SPAG1: variants seen among roughly 807,000 people sequenced by gnomAD.
SPAG1 encodes sperm associated antigen 1, also known as sperm-associated antigen 1.
In SPAG1, 69 loss-of-function variants were observed where a neutral mutation model predicts 100.5. The ratio of observed to expected loss-of-function variants is 0.69; its 90% confidence interval spans 0.57 to 0.84. The LOEUF (loss-of-function observed/expected upper bound fraction) is 0.84, where lower values mean the gene tolerates loss of function less well. Ranked by LOEUF, SPAG1 falls within the 40% of genes least tolerant of loss-of-function variation. The probability of loss-of-function intolerance (pLI) is 0.00; values close to 1 mark genes in which losing one functional copy is unlikely to be tolerated. For missense variants in SPAG1, 955 were observed against 1,133.1 expected (o/e 0.84, Z 2.26); for synonymous variants, 336 against 411.6 (o/e 0.82, Z 2.22).
chr8:100,165,457 T>C, intron 2 of SPAG1: 2 of 374,496 alleles, frequency 5.3e-6, no homozygotes, highest in South Asian at 2.1e-5. Context: ...CAGAGTGATC[T>C]TAAAGGAAAC....
chr8:100,206,001 G>T (rs1817491564), intron 10 of SPAG1, among the ~76,000 whole-genome samples: 1 of 116,884 alleles, frequency 8.6e-6, no homozygotes, highest in Non-Finnish European at 1.7e-5. Flanking sequence ...CCTGGCGACA[G>T]AGTGAGACTC....
At chr8:100,202,448 T>C (rs28770534) in intron 10 of SPAG1, among the ~76,000 whole-genome samples, 2 of 151,604 alleles carry the variant, frequency 1.3e-5, no homozygotes, top group Admixed American at 6.6e-5. Flanking sequence ...CGGTGGCTCA[T>C]GCCTGTAATC....
In SPAG1 at chr8:100,241,192, CTTT is replaced by C; in HGVS notation, c.*173_*175del. 1 of 464,796 alleles carries C rather than the reference CTTT, an allele frequency of 2.2e-6. No homozygotes were observed. Among genetic ancestry groups the C allele is most frequent in the Non-Finnish European group, 3.6e-6 (1 of 274,080 alleles). The allele number at this position is 464,796 out of a possible 1,614,324, so 28.8% of individuals were successfully genotyped here. On this transcript the variant is annotated 3_prime_UTR_variant, in exon 19 of 19. Coordinates refer to ENST00000388798, the MANE Select transcript of SPAG1 (RefSeq NM_003114.5). This position sits in a 1 kb window ranked among gnomAD's most constrained non-coding sequence, Gnocchi z 5.1. The stretch of plus-strand genomic sequence containing the variant: ...TAGAACATGTATATTCTACAATCTG[CTTT>C]TTATTAGTTGTAAATATTTTCTTAT...
intron 10 of SPAG1, among the ~76,000 whole-genome samples, chr8:100,203,214 A>G (rs1027047080): frequency 1.6e-4 from 25 of 152,176 alleles, no homozygotes; most frequent in African/African-American, 6.0e-4. Flanking sequence ...GCCCTCGAAC[A>G]TTAGACTCCA....
At chr8:100,198,354 T>A (rs1388024931) in intron 10 of SPAG1, among the ~76,000 whole-genome samples, 1 of 151,960 alleles carries the variant, frequency 6.6e-6, no homozygotes, top group Admixed American at 6.6e-5. Context: ...TAAAAAAAAC[T>A]AAAAGACAAA....
intron 8 of SPAG1, among the ~76,000 whole-genome samples, chr8:100,188,496 A>G (rs1816679800): frequency 6.6e-6 from 1 of 152,216 alleles, no homozygotes. Context: ...TAATAATTTG[A>G]ATAACTTAAT....
chr8:100,197,654 C>T (rs1261295208), intron 10 of SPAG1, among the ~76,000 whole-genome samples: 1 of 152,082 alleles, frequency 6.6e-6, no homozygotes, highest in East Asian at 1.9e-4. Flanking sequence ...GAAAGAATTC[C>T]CAGTCATTAT....
chr8:100,168,685 A>ACCTTTTTTTTTTTTT (rs1815675141), intron 3 of SPAG1, among the ~76,000 whole-genome samples: 1 of 55,380 alleles, frequency 1.8e-5, no homozygotes, highest in African/African-American at 8.9e-5. Flanking sequence ...ATGCCCAGCC[A>ACCTTTTTTTTTTTTT]TCTTTTTTTT....
intron 2 of SPAG1, chr8:100,165,169 A>G: frequency 2.3e-6 from 1 of 433,246 alleles, no homozygotes; most frequent in Non-Finnish European, 4.6e-6. Context: ...ACAGCAACAA[A>G]AAATACCAAT....
At chr8:100,211,358 T>G (rs984245004) in intron 10 of SPAG1, among the ~76,000 whole-genome samples, 2 of 152,210 alleles carry the variant, frequency 1.3e-5, no homozygotes, top group African/African-American at 4.8e-5. Flanking sequence ...TTGCATTCAG[T>G]TCAAATCTGG....
At chr8:100,185,107 C>T (rs1001842492) in intron 7 of SPAG1, 10 of 187,610 alleles carry the variant, frequency 5.3e-5, no homozygotes, top group Admixed American at 1.9e-4. Flanking sequence ...TTTGCACATG[C>T]TGGGTGCACC....
rs1223357165 is a variant in SPAG1, at chr8:100,241,517, A to G, written c.*495A>G. 1 of 152,222 alleles carries G rather than the reference A, an allele frequency of 6.6e-6. No homozygotes were observed. The allele number at this position is 152,222 out of a possible 1,614,324, so 9.4% of individuals were successfully genotyped here. ...AAAATGAAATGCAACACTGAAGTCT[A>G]TAACATGAAATGATTATTAAATTGT... On this transcript the variant is annotated 3_prime_UTR_variant, in exon 19 of 19. Transcript: ENST00000388798. The surrounding 1 kb of genome is among the most constrained non-coding windows in gnomAD (Gnocchi z 5.1).
chr8:100,187,723 A>G (rs923226421), intron 8 of SPAG1, among the ~76,000 whole-genome samples: 1 of 152,152 alleles, frequency 6.6e-6, no homozygotes, highest in African/African-American at 2.4e-5. Flanking sequence ...AAAATTAAGT[A>G]TAACTTAATA....
intron 3 of SPAG1, among the ~76,000 whole-genome samples, chr8:100,168,984 G>T (rs1289457264): frequency 2.0e-5 from 3 of 151,922 alleles, no homozygotes; most frequent in African/African-American, 7.3e-5. Flanking sequence ...ACCACGCCCG[G>T]CCTCTTTTCA....
chr8:100,159,658 A>G (rs1815219449), intron 1 of SPAG1, among the ~76,000 whole-genome samples: 1 of 152,262 alleles, frequency 6.6e-6, no homozygotes. Context: ...TTCCATTTAT[A>G]TAGACATGAA....
intron 10 of SPAG1, among the ~76,000 whole-genome samples, chr8:100,197,610 T>A (rs915693214): frequency 6.6e-6 from 1 of 152,182 alleles, no homozygotes; most frequent in African/African-American, 2.4e-5. Flanking sequence ...AGTTGGAATC[T>A]TTACATGTGG....
intron 12 of SPAG1, among the ~76,000 whole-genome samples, chr8:100,216,642 G>A (rs1442831140): frequency 3.3e-5 from 5 of 152,166 alleles, no homozygotes; most frequent in African/African-American, 1.2e-4. Flanking sequence ...GCTGACCTCC[G>A]TAGAGACCGA....
At chr8:100,184,765 C>A (rs771702407) in intron 7 of SPAG1, 32 bp downstream of exon 7, 4 of 1,281,886 alleles carry the variant, frequency 3.1e-6, no homozygotes, top group South Asian at 1.4e-5. Flanking sequence ...TTTAAACTTG[C>A]CTTTTAAAAA....
At chr8:100,198,219 T>A (rs1365147625) in intron 10 of SPAG1, among the ~76,000 whole-genome samples, 2 of 152,180 alleles carry the variant, frequency 1.3e-5, no homozygotes, top group African/African-American at 4.8e-5. Flanking sequence ...ATTTCTCTTG[T>A]GCTAGAACTG....
Sources: allele counts gnomAD v4.1 joint callset (sites outside exome capture counted in the v4.1 genomes callset), GRCh38; gene constraint gnomAD v4.1.1; non-coding constraint Gnocchi (gnomAD v3.1); transcripts MANE v1.5; gene names NCBI Gene and HGNC (gene_info 2026-07-23, HGNC 2026-07-21).